The following PDE1C variants were observed in gnomAD, a reference collection of about 807,000 sequenced individuals.
The protein encoded by PDE1C is dual specificity calcium/calmodulin-dependent 3',5'-cyclic nucleotide phosphodiesterase 1C.
A neutral mutation model predicts 93.1 loss-of-function variants in PDE1C; 62 were observed. That is an observed-to-expected ratio of 0.67 (90% CI 0.54 to 0.82). PDE1C has a LOEUF of 0.82. PDE1C is among the 40% of genes least tolerant of loss of function. The pLI, the probability that PDE1C is intolerant of heterozygous loss-of-function variation, is 0.00. For missense variants in PDE1C, 742 were observed against 884.6 expected, an observed-to-expected ratio of 0.84 and a Z score of 2.04; for synonymous variants, 325 against 310.1, an observed-to-expected ratio of 1.05 and a Z score of -0.50.
intron 2 of PDE1C, among the ~76,000 whole-genome samples, chr7:32,205,957 G>A (rs776730407): frequency 2.0e-5 from 3 of 152,162 alleles, no homozygotes; most frequent in African/African-American, 7.2e-5. Context: ...ACACTCACCA[G>A]GTGGGTCCAT....
At chr7:32,124,504 A>G (rs1233879903) in intron 3 of PDE1C, among the ~76,000 whole-genome samples, 1 of 152,174 alleles carries the variant, frequency 6.6e-6, no homozygotes, top group Non-Finnish European at 1.5e-5. Flanking sequence ...ACCAAAACAC[A>G]CATATAGACC....
At chr7:32,165,954 C>T (rs935994057) in intron 3 of PDE1C, among the ~76,000 whole-genome samples, 5 of 151,986 alleles carry the variant, frequency 3.3e-5, no homozygotes, top group Admixed American at 1.3e-4. Flanking sequence ...TTAACAATCC[C>T]CCCGGGTGAT....
intron 6 of PDE1C, among the ~76,000 whole-genome samples, chr7:31,870,291 C>T (rs1424007586): frequency 6.6e-6 from 1 of 151,342 alleles, no homozygotes; most frequent in Non-Finnish European, 1.5e-5. Flanking sequence ...CAAAACAATG[C>T]AATGGAGCAA....
At chr7:31,703,464 T>A in the PDE1C span, among the ~76,000 whole-genome samples, 1 of 152,216 alleles carries the variant, frequency 6.6e-6, no homozygotes, top group Non-Finnish European at 1.5e-5. Context: ...AGAGGTTGTA[T>A]AACCATAGCC....
intron 1 of PDE1C, among the ~76,000 whole-genome samples, chr7:32,330,017 A>G (rs975406859): frequency 6.6e-6 from 1 of 152,246 alleles, no homozygotes; most frequent in Non-Finnish European, 1.5e-5. Context: ...TTGCCCTGAA[A>G]TCAAGATTGA....
At chr7:31,911,546 T>A (rs12701158) in intron 2 of PDE1C, among the ~76,000 whole-genome samples, 39,232 of 151,988 alleles carry the variant, frequency 0.26, 5,223 homozygotes, top group Admixed American at 0.34. Flanking sequence ...CTGTTACTAA[T>A]CCCCCTGCTA....
At chr7:31,626,733 A>C in the PDE1C span, among the ~76,000 whole-genome samples, 2 of 152,338 alleles carry the variant, frequency 1.3e-5, no homozygotes, top group East Asian at 3.9e-4. Flanking sequence ...GGCAGTTTTC[A>C]TCTTTATAAG....
At chr7:32,127,180 A>C (rs370815731) in intron 3 of PDE1C, among the ~76,000 whole-genome samples, 11 of 152,202 alleles carry the variant, frequency 7.2e-5, no homozygotes, top group African/African-American at 2.7e-4. Context: ...GCCAGCCTTC[A>C]GAAGAGAATA....
At chr7:31,955,131 T>C (rs1372824636) in intron 2 of PDE1C, among the ~76,000 whole-genome samples, 1 of 152,220 alleles carries the variant, frequency 6.6e-6, no homozygotes, top group African/African-American at 2.4e-5. Flanking sequence ...GATATTATTT[T>C]GCATAGAAGA....
At chr7:31,855,376 A>T (rs1295215931) in intron 7 of PDE1C, among the ~76,000 whole-genome samples, 2 of 152,070 alleles carry the variant, frequency 1.3e-5, no homozygotes, top group African/African-American at 4.8e-5. Context: ...ACTTTGATGA[A>T]CTTGTGTGAT....
At chr7:31,706,343 T>C in the PDE1C span, among the ~76,000 whole-genome samples, 1 of 151,996 alleles carries the variant, frequency 6.6e-6, no homozygotes, top group Non-Finnish European at 1.5e-5. Context: ...GAGCCCAACA[T>C]AGGAACAGCA....
At chr7:32,241,421 CA>C (rs542591285) in intron 1 of PDE1C, among the ~76,000 whole-genome samples, 1 of 152,018 alleles carries the variant, frequency 6.6e-6, no homozygotes, top group South Asian at 2.1e-4. Flanking sequence ...TGCAGGGTGT[CA>C]AATATGATGG....
intron 1 of PDE1C, among the ~76,000 whole-genome samples, chr7:32,365,834 T>G (rs1784220452): frequency 6.6e-6 from 1 of 151,682 alleles, no homozygotes; most frequent in Admixed American, 6.6e-5. Flanking sequence ...AAAATGTCAC[T>G]AGTACTACAC....
intron 17 of PDE1C, among the ~76,000 whole-genome samples, chr7:31,759,197 T>C (rs551469206): frequency 1.3e-5 from 2 of 152,198 alleles, no homozygotes; most frequent in African/African-American, 4.8e-5. Context: ...CTGCAATGGA[T>C]TGTGATTTGG....
chr7:31,767,497 A>C (rs1466521176), intron 17 of PDE1C, among the ~76,000 whole-genome samples: 2 of 152,124 alleles, frequency 1.3e-5, no homozygotes, highest in Non-Finnish European at 2.9e-5. Flanking sequence ...CATGACTCTA[A>C]GTTTCCTGAG....
At chr7:31,867,139 G>A (rs1795401495) in intron 6 of PDE1C, among the ~76,000 whole-genome samples, 2 of 151,948 alleles carry the variant, frequency 1.3e-5, no homozygotes, top group South Asian at 4.1e-4. Context: ...TTGCCTCCAG[G>A]GATGAAGTAT....
chr7:32,337,069 C>T (rs1349291221), intron 1 of PDE1C, among the ~76,000 whole-genome samples: 2 of 152,038 alleles, frequency 1.3e-5, no homozygotes, highest in Admixed American at 1.3e-4. Flanking sequence ...TCTTCCTTTC[C>T]ACCCCTACTT....
At chr7:31,765,712 A>C (rs1795100156) in intron 17 of PDE1C, among the ~76,000 whole-genome samples, 1 of 152,226 alleles carries the variant, frequency 6.6e-6, no homozygotes, top group Non-Finnish European at 1.5e-5. Context: ...AGACAGTTGC[A>C]GAGAGAACAC....
At chr7:32,044,839 G>A (rs990285096) in intron 2 of PDE1C, among the ~76,000 whole-genome samples, 13 of 152,202 alleles carry the variant, frequency 8.5e-5, no homozygotes, top group African/African-American at 2.6e-4. Context: ...GAGAAAAGAC[G>A]AATGAATTGT....
Sources: gnomAD v4.1 joint callset for allele counts (sites outside exome capture counted in the v4.1 genomes callset) on GRCh38, gnomAD v4.1.1 for gene constraint, MANE v1.5 for transcripts, NCBI Gene and HGNC (gene_info 2026-07-23, HGNC 2026-07-21) for gene names.